The following DLG2 variants were observed in gnomAD, a reference collection of about 807,000 sequenced individuals.
The protein encoded by DLG2 is discs large MAGUK scaffold protein 2, also known as disks large homolog 2.
Under a neutral mutation model 132.5 loss-of-function variants are expected in DLG2, and 45 were observed. That is an observed-to-expected ratio of 0.34 (90% CI 0.27 to 0.44). The LOEUF (loss-of-function observed/expected upper bound fraction) is 0.44, where lower values mean the gene tolerates loss of function less well. Ranked by LOEUF, DLG2 falls within the 20% of genes least tolerant of loss-of-function variation. The pLI is 1.00. For synonymous variants in DLG2, 424 were observed against 419.6 expected, an observed-to-expected ratio of 1.01 and a Z score of -0.13; for missense variants, 1,045 against 1,196.9, an observed-to-expected ratio of 0.87 and a Z score of 1.87.
intron 15 of DLG2, among the ~76,000 whole-genome samples, chr11:83,921,428 T>C (rs1158027833): frequency 6.6e-6 from 1 of 152,216 alleles, no homozygotes; most frequent in Non-Finnish European, 1.5e-5. Context: ...TCAAACCATG[T>C]ACCGTAATAT....
intron 3 of DLG2, among the ~76,000 whole-genome samples, chr11:85,517,699 G>T (rs757547096): frequency 5.3e-5 from 8 of 151,732 alleles, no homozygotes; most frequent in Non-Finnish European, 1.0e-4. Context: ...CTGCAGTCTT[G>T]AATCTGGGAC....
At chr11:85,302,717 C>A (rs1464782861) in intron 3 of DLG2, among the ~76,000 whole-genome samples, 2 of 150,996 alleles carry the variant, frequency 1.3e-5, no homozygotes, top group Non-Finnish European at 2.9e-5. Context: ...CAGAGAGCTG[C>A]ACATTCAGCG....
In DLG2 at chr11:85,407,619, G is replaced by A. The variant is rs1046405989; in HGVS notation, c.41-122254C>T. ...ACAGGAATCATATCACGGGAGTCAC[G>A]AAGCAGCACAAGCAGGGAAAGTCAG... On this transcript the variant is annotated intron_variant, in intron 3 of 27. Coordinates refer to ENST00000376104, the MANE Select transcript of DLG2 (RefSeq NM_001142699.3). Among the ~76,000 whole-genome samples the A allele has an allele frequency of 5.3e-5, 8 of 151,880 alleles. No homozygotes were observed. In the East Asian group the frequency reaches 1.2e-3, roughly 22 times the overall value.
At chr11:84,699,951 A>T (rs2059038726) in intron 6 of DLG2, among the ~76,000 whole-genome samples, 1 of 151,624 alleles carries the variant, frequency 6.6e-6, no homozygotes, top group African/African-American at 2.4e-5. Flanking sequence ...TAAGACATGA[A>T]GAAAATAAAC....
chr11:83,558,958 A>G (rs1035336521), intron 19 of DLG2, among the ~76,000 whole-genome samples: 1 of 151,906 alleles, frequency 6.6e-6, no homozygotes, highest in Non-Finnish European at 1.5e-5. Flanking sequence ...GTGCATAAAT[A>G]CAGGGCAAGA....
At chr11:85,493,168 G>A (rs1273681143) in intron 3 of DLG2, among the ~76,000 whole-genome samples, 1 of 152,090 alleles carries the variant, frequency 6.6e-6, no homozygotes. Context: ...TACCCAGGAA[G>A]GTTTATATGG....
chr11:83,709,035 C>T (rs963564712), intron 18 of DLG2, among the ~76,000 whole-genome samples: 4 of 152,214 alleles, frequency 2.6e-5, no homozygotes, highest in Admixed American at 2.6e-4. Flanking sequence ...GCAGAGTCCA[C>T]TGTATGTGGT....
chr11:84,256,998 G>T (rs1288210064), intron 7 of DLG2, among the ~76,000 whole-genome samples: 3 of 152,128 alleles, frequency 2.0e-5, no homozygotes, highest in African/African-American at 7.2e-5. Context: ...GCTAATCCTG[G>T]CTAGGGAAGT....
intron 3 of DLG2, among the ~76,000 whole-genome samples, chr11:85,562,187 G>C (rs776192933): frequency 6.6e-5 from 10 of 151,928 alleles, no homozygotes; most frequent in African/African-American, 1.2e-4. Flanking sequence ...GTCACTTTTG[G>C]AGTAAAGTGT....
At chr11:85,456,043 A>G (rs2092411226) in intron 3 of DLG2, among the ~76,000 whole-genome samples, 1 of 152,048 alleles carries the variant, frequency 6.6e-6, no homozygotes, top group Non-Finnish European at 1.5e-5. Context: ...TAGTTTCACT[A>G]GGAGTGGTAC....
intron 6 of DLG2, among the ~76,000 whole-genome samples, chr11:84,714,887 C>T (rs2061033912): frequency 6.6e-6 from 1 of 151,932 alleles, no homozygotes; most frequent in African/African-American, 2.4e-5. Context: ...TCCTTGAACT[C>T]ATCCCTTTCT....
At chr11:84,502,375 T>C (rs955465534) in intron 7 of DLG2, among the ~76,000 whole-genome samples, 5 of 92,510 alleles carry the variant, frequency 5.4e-5, no homozygotes, top group Non-Finnish European at 8.1e-5. Flanking sequence ...TCTTTCTTTC[T>C]TTCTTTCTTT....
intron 3 of DLG2, among the ~76,000 whole-genome samples, chr11:85,551,162 A>C (rs557452076): frequency 6.7e-4 from 102 of 152,346 alleles, no homozygotes; most frequent in Non-Finnish European, 1.9e-4. Context: ...ATTTCTATGA[A>C]GCATTTTTGA....
intron 3 of DLG2, among the ~76,000 whole-genome samples, chr11:85,322,603 T>C (rs2081154439): frequency 1.3e-5 from 2 of 152,152 alleles, no homozygotes; most frequent in Non-Finnish European, 2.9e-5. Flanking sequence ...ACCTCTCTTA[T>C]TACTTTGAAA....
intron 10 of DLG2, among the ~76,000 whole-genome samples, chr11:84,082,459 C>T (rs1253053746): frequency 6.6e-6 from 1 of 152,164 alleles, no homozygotes; most frequent in Non-Finnish European, 1.5e-5. Context: ...AACAAGATTA[C>T]TTAATCTTTT....
chr11:83,936,058 C>T (rs1448711872), intron 14 of DLG2, among the ~76,000 whole-genome samples: 1 of 152,166 alleles, frequency 6.6e-6, no homozygotes, highest in African/African-American at 2.4e-5. Context: ...CTCGAGCTCA[C>T]AAGGATGCAT....
chr11:83,825,108 G>GACATATATATACACATATATATAT (rs2052170173), intron 17 of DLG2, among the ~76,000 whole-genome samples: 2 of 130,928 alleles, frequency 1.5e-5, no homozygotes, highest in Non-Finnish European at 3.2e-5. Flanking sequence ...CATATATATA[G>GACATATATATACACATATATATAT]ACATATATAT....
chr11:84,018,282 T>C (rs2095279753), intron 11 of DLG2, among the ~76,000 whole-genome samples: 2 of 151,964 alleles, frequency 1.3e-5, no homozygotes, highest in Non-Finnish European at 2.9e-5. Context: ...AATTCATTAG[T>C]TCAAAATAAT....
chr11:84,618,297 G>A (rs1256704949), intron 6 of DLG2, among the ~76,000 whole-genome samples: 1 of 151,936 alleles, frequency 6.6e-6, no homozygotes, highest in Admixed American at 6.6e-5. Flanking sequence ...AAGCAGGGAA[G>A]CAACATGATC....
Sources: gnomAD v4.1 joint callset for allele counts (sites outside exome capture counted in the v4.1 genomes callset) on GRCh38, gnomAD v4.1.1 for gene constraint, MANE v1.5 for transcripts, NCBI Gene and HGNC (gene_info 2026-07-23, HGNC 2026-07-21) for gene names.